ELAVL2: variants seen among roughly 807,000 people sequenced by gnomAD.
The protein encoded by ELAVL2 is ELAV like RNA binding protein 2, also known as ELAV-like protein 2.
A neutral mutation model predicts 34.6 loss-of-function variants in ELAVL2; 4 were observed. That is an observed-to-expected ratio of 0.12 (90% confidence interval 0.06 to 0.26). ELAVL2 has a LOEUF of 0.26. Ranked by LOEUF, ELAVL2 falls within the 10% of genes least tolerant of loss-of-function variation. ELAVL2 has a pLI of 1.00. For missense variants in ELAVL2, 432 were observed against 442.8 expected, an observed-to-expected ratio of 0.98 and a Z score of 0.22; for synonymous variants, 193 against 154.8, an observed-to-expected ratio of 1.25 and a Z score of -1.83.
chr9:23,822,589 C>A (rs1450320437), intron 1 of ELAVL2, among the ~76,000 whole-genome samples: 1 of 152,216 alleles, frequency 6.6e-6, no homozygotes, highest in African/African-American at 2.4e-5. Context: ...TCAGACCCGG[C>A]CCCACGGCTG....
intron 1 of ELAVL2, among the ~76,000 whole-genome samples, chr9:23,783,303 T>G (rs2059300181): frequency 6.6e-6 from 1 of 152,118 alleles, no homozygotes; most frequent in East Asian, 1.9e-4. Context: ...ATATTCAAGG[T>G]GCCAAGACTG....
At chr9:23,784,456 G>C (rs1285225530) in intron 1 of ELAVL2, among the ~76,000 whole-genome samples, 1 of 152,122 alleles carries the variant, frequency 6.6e-6, no homozygotes, top group Non-Finnish European at 1.5e-5. Flanking sequence ...TGTAATACTT[G>C]GTCTTTGGAA....
chr9:23,774,703 C>T (rs1286912455), intron 1 of ELAVL2, among the ~76,000 whole-genome samples: 1 of 142,904 alleles, frequency 7.0e-6, no homozygotes, highest in Non-Finnish European at 1.5e-5. Context: ...CTCTTTGAGC[C>T]TGCTTATGCT....
chr9:23,702,813 G>A (rs1233575256), intron 4 of ELAVL2, among the ~76,000 whole-genome samples: 2 of 151,612 alleles, frequency 1.3e-5, no homozygotes, highest in East Asian at 3.9e-4. Context: ...GGTAAATTGA[G>A]TAAGTTCACT....
intron 2 of ELAVL2, among the ~76,000 whole-genome samples, chr9:23,738,085 T>A (rs1331228480): frequency 6.6e-6 from 1 of 152,234 alleles, no homozygotes. Flanking sequence ...ATGGACTTAC[T>A]GTTCTTGGGC....
At chr9:23,786,802 A>AAAAAAAAAAAC (rs1554747169) in intron 1 of ELAVL2, among the ~76,000 whole-genome samples, 3 of 127,324 alleles carry the variant, frequency 2.4e-5, no homozygotes, top group Admixed American at 8.1e-5. Flanking sequence ...AAAAAAAAAA[A>AAAAAAAAAAAC]AGAGAGAGAG....
intron 1 of ELAVL2, among the ~76,000 whole-genome samples, chr9:23,815,862 C>T (rs1352589421): frequency 1.3e-5 from 2 of 152,050 alleles, no homozygotes; most frequent in South Asian, 2.1e-4. Flanking sequence ...TATTTGTTTA[C>T]AAAAACAGAA....
At chr9:23,792,572 A>G (rs746099853) in intron 1 of ELAVL2, among the ~76,000 whole-genome samples, 45 of 152,252 alleles carry the variant, frequency 3.0e-4, no homozygotes, top group Admixed American at 5.9e-4. Context: ...CAACTTCCCA[A>G]AAACATCTCA....
At chr9:23,774,352 T>G (rs2057860898) in intron 1 of ELAVL2, among the ~76,000 whole-genome samples, 2 of 151,958 alleles carry the variant, frequency 1.3e-5, no homozygotes, top group African/African-American at 4.8e-5. Flanking sequence ...TTGGGAGCCT[T>G]TTAACATGGA....
At chr9:23,719,991 A>G (rs901493503) in intron 3 of ELAVL2, among the ~76,000 whole-genome samples, 1 of 151,542 alleles carries the variant, frequency 6.6e-6, no homozygotes, top group African/African-American at 2.4e-5. Context: ...AAACCCAGCT[A>G]ATTTTTTGTA....
At chr9:23,845,906 G>A in the ELAVL2 span, among the ~76,000 whole-genome samples, 4,726 of 151,798 alleles carry the variant, frequency 0.031, 249 homozygotes, top group African/African-American at 0.11. Flanking sequence ...TTCTTCTCAG[G>A]TGAAAAGTGA....
intron 1 of ELAVL2, among the ~76,000 whole-genome samples, chr9:23,798,196 G>A (rs1470498825): frequency 6.6e-6 from 1 of 152,182 alleles, no homozygotes; most frequent in Admixed American, 6.5e-5. Context: ...AATTCTGCAA[G>A]GTTATTTATC....
chr9:23,777,216 A>G (rs1041657118), intron 1 of ELAVL2, among the ~76,000 whole-genome samples: 1 of 152,202 alleles, frequency 6.6e-6, no homozygotes, highest in African/African-American at 2.4e-5. Flanking sequence ...GCTAAAAAGA[A>G]ATTCTCGCTA....
chr9:23,815,093 T>C (rs577419322), intron 1 of ELAVL2, among the ~76,000 whole-genome samples: 2 of 152,288 alleles, frequency 1.3e-5, no homozygotes, highest in East Asian at 1.9e-4. Flanking sequence ...AAACTCCATT[T>C]TGTGATGTAT....
chr9:23,796,627 T>A (rs922669129), intron 1 of ELAVL2, among the ~76,000 whole-genome samples: 9 of 152,242 alleles, frequency 5.9e-5, no homozygotes, highest in African/African-American at 2.2e-4. Flanking sequence ...TGTCTATAAG[T>A]AAGATATCTA....
chr9:23,793,460 T>A (rs2137308048), intron 1 of ELAVL2, among the ~76,000 whole-genome samples: 1 of 152,296 alleles, frequency 6.6e-6, no homozygotes, highest in African/African-American at 2.4e-5. Context: ...AGATTTGATC[T>A]GAGCTCAATC....
chr9:23,697,744 T>A (rs1250480270), intron 5 of ELAVL2, among the ~76,000 whole-genome samples: 1 of 152,176 alleles, frequency 6.6e-6, no homozygotes, highest in Non-Finnish European at 1.5e-5. Flanking sequence ...AATTAGCTGA[T>A]GGACTATGGG....
intron 2 of ELAVL2, among the ~76,000 whole-genome samples, chr9:23,734,204 G>T (rs148052896): frequency 1.2e-3 from 181 of 152,280 alleles, no homozygotes; most frequent in Non-Finnish European, 1.7e-3. Context: ...ACTTTACAGT[G>T]AAAATCTGTA....
chr9:23,750,015 T>C (rs1380791422), intron 2 of ELAVL2, among the ~76,000 whole-genome samples: 2 of 142,998 alleles, frequency 1.4e-5, no homozygotes, highest in African/African-American at 5.3e-5. Flanking sequence ...CCTCCAAGGG[T>C]ACTGTCTTAA....
Sources: allele counts gnomAD v4.1 joint callset (sites outside exome capture counted in the v4.1 genomes callset), GRCh38; gene constraint gnomAD v4.1.1; transcripts MANE v1.5; gene names NCBI Gene and HGNC (gene_info 2026-07-23, HGNC 2026-07-21).